The following PDIA6 variants were observed in gnomAD, a reference collection of about 807,000 sequenced individuals.
PDIA6 encodes the protein protein disulfide-isomerase A6.
In PDIA6, 29 loss-of-function variants were observed where a neutral mutation model predicts 58.4. That is an observed-to-expected ratio of 0.50 (90% CI 0.37 to 0.68). The LOEUF (loss-of-function observed/expected upper bound fraction) is 0.68, where lower values mean the gene tolerates loss of function less well. Ranked by LOEUF, PDIA6 falls within the 30% of genes least tolerant of loss-of-function variation. The pLI, the probability that PDIA6 is intolerant of heterozygous loss-of-function variation, is 0.00. For synonymous variants in PDIA6, 192 were observed against 202.6 expected, an observed-to-expected ratio of 0.95 and a Z score of 0.44; for missense variants, 480 against 551.0, an observed-to-expected ratio of 0.87 and a Z score of 1.29.
At chr2:10,809,902 G>A (rs1021323907) in intron 1 of PDIA6, among the ~76,000 whole-genome samples, 6 of 152,074 alleles carry the variant, frequency 3.9e-5, no homozygotes, top group African/African-American at 1.4e-4. Context: ...ATCCACTACT[G>A]ACTGAATTTT....
At chr2:10,803,423 C>T (rs1666596757) in intron 1 of PDIA6, among the ~76,000 whole-genome samples, 1 of 152,234 alleles carries the variant, frequency 6.6e-6, no homozygotes, top group South Asian at 2.1e-4. Context: ...TCCCAAAGTG[C>T]TGGGATTACA....
At chr2:10,796,270 G>T (rs190077016) in intron 4 of PDIA6, among the ~76,000 whole-genome samples, 1 of 151,970 alleles carries the variant, frequency 6.6e-6, no homozygotes, top group African/African-American at 2.4e-5. Flanking sequence ...AGCCAGGATG[G>T]TCTCGATCTC....
At chr2:10,800,215 T>A (rs1183505358) in intron 2 of PDIA6, among the ~76,000 whole-genome samples, 1 of 152,232 alleles carries the variant, frequency 6.6e-6, no homozygotes, top group Non-Finnish European at 1.5e-5. Flanking sequence ...TGGATCTTGG[T>A]ACCGGTTTAG....
At chr2:10,814,295 G>A (rs74935632), upstream of PDIA6, among the ~76,000 whole-genome samples, 21,381 of 152,134 alleles carry the variant, frequency 0.14, 2,013 homozygotes, top group African/African-American at 0.26. Context: ...CTGAAGTCAC[G>A]GGGGCCTCTC....
intron 7 of PDIA6, 109 bp from the exon 8 acceptor site, chr2:10,789,998 T>G: frequency 3.2e-6 from 2 of 633,686 alleles, no homozygotes; most frequent in Non-Finnish European, 5.1e-6. Context: ...TTTTTTTTTT[T>G]GAAGCAGTCT....
At chr2:10,824,835 T>A (rs1667503411) in intron 1 of PDIA6, among the ~76,000 whole-genome samples, 1 of 152,362 alleles carries the variant, frequency 6.6e-6, no homozygotes, top group Admixed American at 6.5e-5. Flanking sequence ...AATTGGTCTT[T>A]CTATTTTCAC....
upstream of PDIA6, among the ~76,000 whole-genome samples, chr2:10,816,890 G>A (rs1343848675): frequency 6.6e-6 from 1 of 152,124 alleles, no homozygotes; most frequent in Non-Finnish European, 1.5e-5. Context: ...GACCCACACT[G>A]GGCATGTGCT....
In PDIA6 at chr2:10,784,208, T is replaced by C. The variant is rs887430557; in HGVS notation, c.*50A>G. On this transcript the variant is annotated 3_prime_UTR_variant, in exon 13 of 13. Transcript: ENST00000272227. ...GAATGTCCCTTCACTGCTGGAAAAA[T>C]CCACTGGCTCCCAAGAAAAGAAAAT... is the stretch of plus-strand genomic sequence containing the variant. 6 of 1,471,946 alleles carry C rather than the reference T, an allele frequency of 4.1e-6. No individual in the cohort carries two copies. Among genetic ancestry groups the C allele is most frequent in the Admixed American group, 1.8e-5 (1 of 54,368 alleles). 91.2% of individuals were successfully genotyped at this position (1,471,946 alleles called of 1,614,324 possible).
upstream of PDIA6, among the ~76,000 whole-genome samples, chr2:10,835,399 C>T (rs1052337889): frequency 2.6e-5 from 4 of 152,068 alleles, no homozygotes; most frequent in African/African-American, 4.8e-5. Flanking sequence ...CCGTTTCCAT[C>T]GCGGGCCTTA....
chr2:10,834,723 CTTCCTTCCCTCCTTCCTTCCTTCCTTCCT>C (rs1667789457), upstream of PDIA6, among the ~76,000 whole-genome samples: 1 of 50,642 alleles, frequency 2.0e-5, no homozygotes, highest in African/African-American at 9.7e-5. Context: ...CCCTCCCTCC[CTTCCTTCCCTCCTTCCTTCCTTCCTTCCT>C]TCCTTCCTTC....
At chr2:10,827,215 A>C (rs972514030) in intron 1 of PDIA6, among the ~76,000 whole-genome samples, 6 of 151,962 alleles carry the variant, frequency 3.9e-5, no homozygotes, top group Non-Finnish European at 8.8e-5. Flanking sequence ...GTTATGCACC[A>C]CCACACCTGG....
intron 1 of PDIA6, among the ~76,000 whole-genome samples, chr2:10,831,702 C>T (rs910853529): frequency 6.6e-6 from 1 of 152,150 alleles, no homozygotes; most frequent in Non-Finnish European, 1.5e-5. Flanking sequence ...TTGATACCAA[C>T]GTCTCCTTCA....
chr2:10,825,696 A>G (rs1667535941), intron 1 of PDIA6, among the ~76,000 whole-genome samples: 2 of 152,254 alleles, frequency 1.3e-5, no homozygotes, highest in Admixed American at 6.5e-5. Flanking sequence ...CAAGGAAGAC[A>G]TAGAAACGGC....
Position 10,812,653 on chromosome 2 carries a change from C to G in PDIA6, c.19+25G>C, listed in dbSNP as rs377486908. The G allele has an allele frequency of 8.7e-4, 1,330 of 1,523,952 alleles. 11 individuals are homozygous for G. The African/African-American group carries it at 0.018, about 20-fold the overall frequency. 94.4% of individuals were successfully genotyped at this position (1,523,952 alleles called of 1,614,324 possible). A position where few individuals can be genotyped will look rare whatever the true frequency, so the allele number is the denominator to read the frequency against. ...TTTCAGGCCGACCCCAGCTCGCCCG[C>G]CTCCCTCCGCTGGCCCGCACCTACC... On this transcript the variant is annotated intron_variant, in intron 1 of 12. Coordinates refer to ENST00000272227, the MANE Select transcript of PDIA6 (RefSeq NM_005742.4).
intron 2 of PDIA6, among the ~76,000 whole-genome samples, chr2:10,799,910 A>G (rs1316476287): frequency 1.4e-5 from 2 of 145,926 alleles, no homozygotes; most frequent in African/African-American, 5.0e-5. Context: ...TAGGAAAAAA[A>G]AGAAAAAAAA....
chr2:10,806,647 A>ACAGACAGACAGACAG (rs1558452569), intron 1 of PDIA6, among the ~76,000 whole-genome samples: 1 of 149,986 alleles, frequency 6.7e-6, no homozygotes, highest in Admixed American at 6.7e-5. Flanking sequence ...AGAAAGAAAG[A>ACAGACAGACAGACAG]AAAACGTTAC....
chr2:10,810,336 G>A, intron 1 of PDIA6: 2 of 1,525,412 alleles, frequency 1.3e-6, no homozygotes, highest in Non-Finnish European at 1.8e-6. Flanking sequence ...GTAGACTGTG[G>A]CAGAATTAGG....
intron 1 of PDIA6, among the ~76,000 whole-genome samples, chr2:10,806,649 A>AGAAAGAAAG (rs1283823871): frequency 4.5e-5 from 6 of 134,254 alleles, no homozygotes; most frequent in Non-Finnish European, 1.0e-4. Flanking sequence ...AAAGAAAGAA[A>AGAAAGAAAG]AACGTTACAG....
rs1237507027 is a variant in PDIA6, at chr2:10,787,295, G to A, written c.1143C>T (p.Ile381=). 2.5e-6 allele frequency: 4 copies of A among 1,613,954 alleles called. No individual in the cohort carries two copies. Among genetic ancestry groups the A allele is most frequent in the Non-Finnish European group, 3.4e-6 (4 of 1,179,866 alleles). The change falls in exon 11 of 13, where the codon ATC becomes ATT. Residue 381 remains isoleucine (I), a synonymous_variant. Coordinates refer to ENST00000272227, the MANE Select transcript of PDIA6 (RefSeq NM_005742.4). The stretch of plus-strand genomic sequence containing the variant: ...AAACAAATTACCTGAGAAACTCGTT[G>A]ATGCCTTGCTCACTGAAGGAGCCTT... ...LLKGSFSEQG[I]NEFLRELSFG...
Sources: gnomAD v4.1 joint callset for allele counts (sites outside exome capture counted in the v4.1 genomes callset) on GRCh38, gnomAD v4.1.1 for gene constraint, MANE v1.5 for transcripts, NCBI Gene and HGNC (gene_info 2026-07-23, HGNC 2026-07-21) for gene names.